The following VPS13C variants were observed in gnomAD, a reference collection of about 807,000 sequenced individuals.
VPS13C encodes the protein intermembrane lipid transfer protein VPS13C.
In VPS13C, 358 loss-of-function variants were observed where a neutral mutation model predicts 456.8. The observed-to-expected ratio is 0.78, with a 90% CI of 0.72 to 0.86. VPS13C has a LOEUF of 0.86. Ranked by LOEUF, VPS13C falls within the 40% of genes least tolerant of loss-of-function variation. The pLI, the probability that VPS13C is intolerant of heterozygous loss-of-function variation, is 0.00. For synonymous variants in VPS13C, 1,578 were observed against 1,486.7 expected (o/e 1.06, Z -1.41); for missense variants, 4,818 against 4,385.4 (o/e 1.10, Z -2.79).
Position 61,917,513 on chromosome 15 carries a change from G to A in VPS13C, c.7883C>T (p.Pro2628Leu). The A allele has an allele frequency of 1.2e-6, 2 of 1,613,940 alleles. No homozygotes were observed. The highest frequency in any genetic ancestry group is 1.7e-6 in the Non-Finnish European group (2 of 1,179,878). ...AGGTAAGAAGCTGACTTCTACTGAT[G>A]GACACTGCAACATGCATCTGACTTC... The part of the protein sequence containing the change: ...SREVRCMLQC[P>L]SVEVSFLPLI... The change falls in exon 60 of 85, where the codon CCA becomes CTA. Residue 2628 changes from proline (P) to leucine (L), a missense_variant. Pro to Leu is a moderately conservative substitution (Grantham distance 98). Transcript: ENST00000644861.
At chr15:61,881,938 G>T in intron 69 of VPS13C, 110 bp from the exon 70 acceptor site, 1 of 919,498 alleles carries the variant, frequency 1.1e-6, no homozygotes, top group Non-Finnish European at 1.6e-6. Flanking sequence ...AAGTGTCTGC[G>T]TGTATATGCG....
chr15:61,890,561 A>T (rs568387295), intron 66 of VPS13C, among the ~76,000 whole-genome samples, 161 bp from the exon 67 acceptor site: 7 of 152,356 alleles, frequency 4.6e-5, no homozygotes, highest in African/African-American at 1.7e-4. Context: ...AATCTATTTT[A>T]AAATATACTC....
At chr15:61,868,334 G>A (rs527952445) in intron 81 of VPS13C, among the ~76,000 whole-genome samples, 57 of 151,988 alleles carry the variant, frequency 3.8e-4, no homozygotes, top group African/African-American at 1.3e-3. Context: ...AAGCAATGAA[G>A]TTCCAATAAT....
intron 61 of VPS13C, among the ~76,000 whole-genome samples, chr15:61,915,281 A>C (rs1359870603): frequency 2.0e-5 from 3 of 152,210 alleles, no homozygotes; most frequent in Non-Finnish European, 4.4e-5. Flanking sequence ...ACACATAGGA[A>C]GGCTCAACTA....
chr15:61,882,563 T>G (rs772058709), intron 69 of VPS13C, 33 bp downstream of exon 69: 2 of 1,464,238 alleles, frequency 1.4e-6, no homozygotes, highest in East Asian at 2.5e-5. Flanking sequence ...CCCAAAGTGA[T>G]GATAAATACT....
At position 61,890,179 on chromosome 15, in the gene VPS13C, A is replaced by G. The variant is rs761593427; in HGVS notation, c.9327T>C (p.Tyr3109=). The G allele has an allele frequency of 6.2e-7, 1 of 1,613,942 alleles. No homozygotes were observed. The highest frequency in any genetic ancestry group is 2.2e-5 in the East Asian group (1 of 44,890). The change falls in exon 67 of 85, where the codon TAT becomes TAC. Residue 3109 remains tyrosine (Y), a synonymous_variant. Coordinates refer to ENST00000644861, the MANE Select transcript of VPS13C (RefSeq NM_020821.3). ...TTCTTGCATACCTGGTTATCCCAAT[A>G]TAGGAAACTTCCTGCTTGCTTTCAT... is the stretch of plus-strand genomic sequence containing the variant. ...VNNESKQEVS[Y]IGITSSGVVW...
intron 41 of VPS13C, 60 bp downstream of exon 41, chr15:61,950,298 G>A: frequency 8.2e-7 from 1 of 1,216,000 alleles, no homozygotes; most frequent in African/African-American, 1.5e-5. Context: ...GTTGAAAATG[G>A]CTATGAAGCT....
chr15:61,925,597 A>T (rs1712377368), intron 52 of VPS13C, 49 bp from the exon 53 acceptor site: 2 of 1,257,354 alleles, frequency 1.6e-6, no homozygotes, highest in Admixed American at 5.1e-5. Flanking sequence ...CATTATATAC[A>T]TAACACACAC....
chr15:61,856,315 T>C lies in VPS13C; in HGVS notation c.11047A>G (p.Ser3683Gly), dbSNP rs762854017. Residue 3683 changes from serine (S) to glycine (G), a missense_variant, in exon 83 of 85, where the codon AGT becomes GGT. Physicochemically the swap from Ser to Gly is moderately conservative, Grantham distance 56. Coordinates refer to ENST00000644861, the MANE Select transcript of VPS13C (RefSeq NM_020821.3). ...FEDFVFPPSV[S>G]ENVLKISVKE... is the part of the protein sequence containing the mutation. ...ACTGAAATTTTTAGCACATTTTCACTGACACTAGGAGGAAATACAAAATCT... is the reference window on the plus strand; with the variant it reads ...ACTGAAATTTTTAGCACATTTTCACCGACACTAGGAGGAAATACAAAATCT... 1.9e-6 allele frequency: 3 copies of C among 1,613,316 alleles called. No homozygotes were observed. The highest frequency in any genetic ancestry group is 2.5e-6 in the Non-Finnish European group (3 of 1,179,526).
intron 1 of VPS13C, among the ~76,000 whole-genome samples, chr15:62,045,876 A>C (rs567884605): frequency 6.6e-6 from 1 of 152,268 alleles, no homozygotes; most frequent in South Asian, 2.1e-4. Context: ...AGACATGGGA[A>C]AATGTTCACA....
At chr15:61,925,802 A>T (rs995287907) in intron 52 of VPS13C, among the ~76,000 whole-genome samples, 6 of 152,222 alleles carry the variant, frequency 3.9e-5, no homozygotes, top group African/African-American at 1.4e-4. Context: ...TTAAGTAATA[A>T]AGCAGATTTA....
rs1472545589 is a variant in VPS13C, at chr15:61,900,934, G to A, written c.9105+6330C>T. On this transcript the variant is annotated intron_variant, in intron 66 of 84. Transcript: ENST00000644861. ...GAGATAAAGATCAATGGAACAGAAC[G>A]GAGCCCTCAGAAATAACGCCGCATT... is the stretch of plus-strand genomic sequence containing the variant. 4.4e-3 allele frequency among the ~76,000 whole-genome samples: 667 copies of A among 151,494 alleles called. 2 individuals carry two copies. Among genetic ancestry groups the A allele is most frequent in the African/African-American group, 0.015 (605 of 40,986 alleles).
chr15:61,977,272 T>G (rs2045732932), intron 23 of VPS13C, 73 bp from the exon 24 acceptor site: 1 of 878,068 alleles, frequency 1.1e-6, no homozygotes, highest in Non-Finnish European at 1.7e-6. Flanking sequence ...ATATTATTTT[T>G]AATGAATATT....
At chr15:61,872,683 T>C (rs2140880046) in intron 78 of VPS13C, among the ~76,000 whole-genome samples, 1 of 152,218 alleles carries the variant, frequency 6.6e-6, no homozygotes, top group South Asian at 2.1e-4. Flanking sequence ...AACTGATGGA[T>C]ACACACTTAA....
chr15:61,975,261 A>C (rs777303130), intron 24 of VPS13C, among the ~76,000 whole-genome samples: 1 of 152,124 alleles, frequency 6.6e-6, no homozygotes, highest in Non-Finnish European at 1.5e-5. Flanking sequence ...TAAGTAAAAG[A>C]AAGAAATAAT....
intron 81 of VPS13C, chr15:61,865,121 A>C: frequency 7.1e-6 from 7 of 984,998 alleles, no homozygotes; most frequent in Non-Finnish European, 8.4e-6. Flanking sequence ...AGGGAGACCA[A>C]ATTAGTTGAT....
At chr15:61,973,327 C>T (rs947557757) in intron 26 of VPS13C, 127 bp downstream of exon 26, 3 of 720,258 alleles carry the variant, frequency 4.2e-6, no homozygotes, top group African/African-American at 3.5e-5. Flanking sequence ...TAATGTAGCA[C>T]AACTAGAACT....
Position 61,910,279 on chromosome 15 carries a change from C to T in VPS13C, c.8742G>A (p.Leu2914=), listed in dbSNP as rs554147954. 30 of 1,527,150 alleles carry T rather than the reference C, an allele frequency of 2.0e-5. No individual in the cohort carries two copies. The South Asian group carries it at 3.6e-4, about 18-fold the overall frequency. The allele number at this position is 1,527,150 out of a possible 1,614,324, so 94.6% of individuals were successfully genotyped here. The part of the protein sequence containing the change: ...SECLPFWPES[L]SGKLCVRVVG... The stretch of plus-strand genomic sequence containing the variant: ...CCACTCTCACACAAAGTTTGCCTGA[C>T]AAACTTTCTGGCCAAAATGGAAGGC... The change falls in exon 64 of 85, where the codon TTG becomes TTA. Residue 2914 remains leucine, a synonymous_variant. Coordinates refer to ENST00000644861, the MANE Select transcript of VPS13C (RefSeq NM_020821.3).
intron 9 of VPS13C, among the ~76,000 whole-genome samples, chr15:62,019,865 G>A (rs191314725): frequency 6.6e-6 from 1 of 151,212 alleles, no homozygotes; most frequent in African/African-American, 2.4e-5. Context: ...GTATCTAAGT[G>A]AACCACATCT....
Sources: allele counts gnomAD v4.1 joint callset (sites outside exome capture counted in the v4.1 genomes callset), GRCh38; gene constraint gnomAD v4.1.1; transcripts MANE v1.5; gene names NCBI Gene and HGNC (gene_info 2026-07-23, HGNC 2026-07-21).